The following CAMK2G variants were observed in gnomAD, a reference collection of about 807,000 sequenced individuals.
CAMK2G encodes the protein calcium/calmodulin dependent protein kinase II gamma.
Under a neutral mutation model 88.7 loss-of-function variants are expected in CAMK2G, and 23 were observed. The ratio of observed to expected loss-of-function variants is 0.26; its 90% confidence interval spans 0.19 to 0.37. CAMK2G has a LOEUF of 0.37. CAMK2G is among the 10% of genes least tolerant of loss of function. CAMK2G has a pLI of 1.00. For synonymous variants in CAMK2G, 263 were observed against 294.8 expected, an observed-to-expected ratio of 0.89 and a Z score of 1.11; for missense variants, 476 against 780.8, an observed-to-expected ratio of 0.61 and a Z score of 4.65.
At chr10:73,859,665 T>C (rs1329517194) in intron 3 of CAMK2G, among the ~76,000 whole-genome samples, 1 of 152,228 alleles carries the variant, frequency 6.6e-6, no homozygotes, top group African/African-American at 2.4e-5. Context: ...GCAAAGCCGA[T>C]CACCACTGGC....
chr10:73,832,124 A>T (rs1385994259), intron 14 of CAMK2G, among the ~76,000 whole-genome samples: 1 of 152,128 alleles, frequency 6.6e-6, no homozygotes, highest in East Asian at 1.9e-4. Flanking sequence ...TCTAGATGAA[A>T]AATATAGAAT....
At chr10:73,873,617 G>A in intron 1 of CAMK2G, 1 of 749,094 alleles carries the variant, frequency 1.3e-6, no homozygotes, top group Non-Finnish European at 1.6e-6. Flanking sequence ...TCAACTGACA[G>A]CAAGGGAAGA....
At chr10:73,844,871 G>A (rs1406572392) in intron 10 of CAMK2G, among the ~76,000 whole-genome samples, 1 of 152,088 alleles carries the variant, frequency 6.6e-6, no homozygotes, top group Non-Finnish European at 1.5e-5. Flanking sequence ...GCATCTAATG[G>A]TCAGAGCCAG....
In CAMK2G at chr10:73,814,200, C is replaced by T. The variant is rs1376177057; in HGVS notation, c.*318G>A. On this transcript the variant is annotated 3_prime_UTR_variant, in exon 23 of 23. Coordinates refer to ENST00000423381, the MANE Select transcript of CAMK2G (RefSeq NM_001367534.1). Reference sequence around the variant, plus strand: ...TGCCAGGATGGACCTCATACATACTCCTGCCTTCTTGCCAACCCAAGGGCT... The same window carrying T: ...TGCCAGGATGGACCTCATACATACTTCTGCCTTCTTGCCAACCCAAGGGCT... 1.3e-5 allele frequency: 2 copies of T among 152,044 alleles called. No homozygotes were observed. The highest frequency in any genetic ancestry group is 4.8e-5 in the African/African-American group (2 of 41,382). 9.4% of individuals were successfully genotyped at this position (152,044 alleles called of 1,614,324 possible). A position where few individuals can be genotyped will look rare whatever the true frequency, so the allele number is the denominator to read the frequency against.
chr10:73,831,329 G>T (rs2092392383), intron 14 of CAMK2G, among the ~76,000 whole-genome samples: 1 of 151,812 alleles, frequency 6.6e-6, no homozygotes, highest in Non-Finnish European at 1.5e-5. Flanking sequence ...CACAAGGTCA[G>T]GAGATCGAGA....
chr10:73,861,645 C>T (rs957127502), intron 2 of CAMK2G, among the ~76,000 whole-genome samples: 5 of 152,144 alleles, frequency 3.3e-5, no homozygotes, highest in South Asian at 2.1e-4. Flanking sequence ...CGTGAGCCAC[C>T]GCGCCTGGCC....
chr10:73,826,486 A>T (rs2090989722), intron 15 of CAMK2G, among the ~76,000 whole-genome samples: 2 of 152,048 alleles, frequency 1.3e-5, no homozygotes. Flanking sequence ...GGGCACAGCA[A>T]GGGAGGGGCA....
intron 3 of CAMK2G, among the ~76,000 whole-genome samples, chr10:73,853,567 G>A (rs1200540691): frequency 1.3e-5 from 2 of 152,238 alleles, no homozygotes; most frequent in Non-Finnish European, 2.9e-5. Context: ...TATGATGCAC[G>A]ATGGTGAGAT....
chr10:73,815,647 A>G (rs1392109745), intron 21 of CAMK2G, among the ~76,000 whole-genome samples: 2 of 152,104 alleles, frequency 1.3e-5, no homozygotes, highest in African/African-American at 4.8e-5. Flanking sequence ...AAGCCTATAG[A>G]TTTTCTATTC....
At chr10:73,829,363 C>T (rs953795079) in intron 14 of CAMK2G, among the ~76,000 whole-genome samples, 3 of 151,730 alleles carry the variant, frequency 2.0e-5, no homozygotes, top group South Asian at 2.1e-4. Context: ...GGCACCATCT[C>T]GGCTCACTGC....
At position 73,847,970 on chromosome 10, in the gene CAMK2G, C is replaced by G. The variant is rs753991168; in HGVS notation, c.696+18G>C. 1 of 1,520,658 alleles carries G rather than the reference C, an allele frequency of 6.6e-7. No homozygotes were observed. The highest frequency in any genetic ancestry group is 1.7e-5 in the Admixed American group (1 of 59,802). 94.2% of individuals were successfully genotyped at this position (1,520,658 alleles called of 1,614,324 possible). A position where few individuals can be genotyped will look rare whatever the true frequency, so the allele number is the denominator to read the frequency against. ...ATCTGCCCTTCCTGGCCTGGCTGCC[C>G]GGCTCTCTGGTCCTTACATCATAGG... On this transcript the variant is annotated intron_variant, in intron 9 of 22. Transcript: ENST00000423381.
chr10:73,816,337 G>GTTTTAA, intron 21 of CAMK2G: 2 of 996,898 alleles, frequency 2.0e-6, no homozygotes, highest in Non-Finnish European at 2.4e-6. Context: ...TCTTATCCTG[G>GTTTTAA]TTTTAATTTC....
Position 73,842,217 on chromosome 10 carries a change from G to A in CAMK2G, c.904-6C>T, listed in dbSNP as rs1223273623. The A allele has an allele frequency of 3.1e-6, 5 of 1,610,078 alleles. No homozygotes were observed. The East Asian group carries it at 6.7e-5, about 22-fold the overall frequency. On this transcript the variant is annotated splice_region_variant and splice_polypyrimidine_tract_variant and intron_variant, in intron 11 of 22. Transcript: ENST00000423381. The surrounding 1 kb of genome is among the most constrained non-coding windows in gnomAD (Gnocchi z 4.6). ...ATGGTCGTGAGGATGGCACCCTGGG[G>A]AAAGAGGAAGGTCCTGTGAATTCAC...
rs1335437178 is a variant in CAMK2G, at chr10:73,842,588, C to T, written c.820-47G>A. ...TATGAGCCCCAGCCCAGATCCTCTG[C>T]GCCTCCCACAGTCCTGGCACCGATA... On this transcript the variant is annotated intron_variant, in intron 10 of 22. Coordinates refer to ENST00000423381, the MANE Select transcript of CAMK2G (RefSeq NM_001367534.1). The surrounding 1 kb of genome is among the most constrained non-coding windows in gnomAD (Gnocchi z 4.6). 12 of 1,359,268 alleles carry T rather than the reference C, an allele frequency of 8.8e-6. No individual in the cohort carries two copies. The highest frequency in any genetic ancestry group is 4.6e-5 in the East Asian group (2 of 43,774). 84.2% of individuals were successfully genotyped at this position (1,359,268 alleles called of 1,614,324 possible).
chr10:73,835,001 T>TA (rs59607670), intron 14 of CAMK2G, among the ~76,000 whole-genome samples: 23,805 of 152,162 alleles, frequency 0.16, 2,071 homozygotes, highest in South Asian at 0.23. Flanking sequence ...CAACCTCGTG[T>TA]ATCTTCACAT....
intron 21 of CAMK2G, chr10:73,815,922 G>C (rs977129616): frequency 1.0e-6 from 1 of 984,626 alleles, no homozygotes; most frequent in African/African-American, 1.7e-5. Context: ...CAATTCAAAT[G>C]TTAGACAGGG....
intron 2 of CAMK2G, among the ~76,000 whole-genome samples, chr10:73,863,938 T>G (rs780742221): frequency 6.6e-6 from 1 of 152,102 alleles, no homozygotes; most frequent in African/African-American, 2.4e-5. Context: ...AGCTGTGGAG[T>G]ATGGCAATTA....
At chr10:73,873,776 G>C (rs1406337820) in intron 1 of CAMK2G, among the ~76,000 whole-genome samples, 27 of 136,308 alleles carry the variant, frequency 2.0e-4, no homozygotes, top group Non-Finnish European at 3.6e-4. Flanking sequence ...CGCCGCGGGT[G>C]GGGGTGGGGG....
chr10:73,825,134 A>G (rs1589964406), intron 16 of CAMK2G, 145 bp downstream of exon 16: 1 of 689,120 alleles, frequency 1.5e-6, no homozygotes, highest in Non-Finnish European at 2.7e-6. Context: ...GAAGGGGCAT[A>G]CAGGGCGGCA....
Sources: gnomAD v4.1 joint callset for allele counts (sites outside exome capture counted in the v4.1 genomes callset) on GRCh38, gnomAD v4.1.1 for gene constraint, Gnocchi (gnomAD v3.1) non-coding constraint, MANE v1.5 for transcripts, NCBI Gene and HGNC (gene_info 2026-07-23, HGNC 2026-07-21) for gene names.